HDAC9: variants seen among roughly 807,000 people sequenced by gnomAD.
The protein encoded by HDAC9 is histone deacetylase 9, also known as MEF-2 interacting transcription repressor (MITR) protein.
Under a neutral mutation model 139.4 loss-of-function variants are expected in HDAC9, and 41 were observed. That is an observed-to-expected ratio of 0.29 (90% confidence interval 0.23 to 0.38). The LOEUF (loss-of-function observed/expected upper bound fraction) is 0.38. Ranked by LOEUF, HDAC9 falls within the 10% of genes least tolerant of loss-of-function variation. HDAC9 has a pLI of 1.00. For synonymous variants in HDAC9, 517 were observed against 476.2 expected (o/e 1.09, Z -1.12); for missense variants, 1,147 against 1,297.0 (o/e 0.88, Z 1.78).
chr7:18,358,768 C>A (rs1398029145), intron 1 of HDAC9, among the ~76,000 whole-genome samples: 2 of 152,206 alleles, frequency 1.3e-5, no homozygotes, highest in African/African-American at 2.4e-5. Context: ...TGATTCCTGG[C>A]TTTACCACTT....
chr7:18,629,577 T>C (rs1562651946), intron 7 of HDAC9, 96 bp downstream of exon 7: 1 of 1,199,054 alleles, frequency 8.3e-7, no homozygotes, highest in East Asian at 2.7e-5. Context: ...AAAAGTTATT[T>C]TGAGAAGAAA....
intron 22 of HDAC9, among the ~76,000 whole-genome samples, chr7:18,905,859 TTTCTTTCTTTCCTTTCTTTTCC>T (rs1200406509): frequency 1.3e-5 from 2 of 152,052 alleles, no homozygotes; most frequent in African/African-American, 2.4e-5. Context: ...AGTTTCTTTC[TTTCTTTCTTTCCTTTCTTTTCC>T]TTCTTTCCTT....
chr7:18,853,488 G>T (rs546935321), intron 21 of HDAC9, among the ~76,000 whole-genome samples: 1 of 152,218 alleles, frequency 6.6e-6, no homozygotes, highest in East Asian at 1.9e-4. Context: ...TTAGAATATT[G>T]TTTTGTTTGG....
At chr7:18,630,163 G>T (rs1781900464) in intron 7 of HDAC9, among the ~76,000 whole-genome samples, 1 of 152,016 alleles carries the variant, frequency 6.6e-6, no homozygotes, top group Non-Finnish European at 1.5e-5. Context: ...ACCTAAGGCT[G>T]TAAGAACCAA....
intron 13 of HDAC9, among the ~76,000 whole-genome samples, chr7:18,732,933 GTATGTGTATACACACGTGTA>G (rs1786419643): frequency 1.1e-5 from 1 of 93,520 alleles, no homozygotes; most frequent in African/African-American, 3.5e-5. Context: ...ACGTGTGTAT[GTATGTGTATACACACGTGTA>G]TGTGTGTGTA....
chr7:18,908,142 A>G (rs17140253), intron 22 of HDAC9, among the ~76,000 whole-genome samples: 19,720 of 152,048 alleles, frequency 0.13, 1,381 homozygotes, highest in South Asian at 0.26. Context: ...AAAAACATTA[A>G]TATTCTAGAA....
At chr7:18,551,398 G>A in intron 2 of HDAC9, among the ~76,000 whole-genome samples, 1 of 152,124 alleles carries the variant, frequency 6.6e-6, no homozygotes, top group Non-Finnish European at 1.5e-5. Flanking sequence ...GATTAGATGA[G>A]GTTACCGAGG....
chr7:18,239,855 A>G (rs921907707), intron 2 of HDAC9, among the ~76,000 whole-genome samples: 1 of 152,160 alleles, frequency 6.6e-6, no homozygotes, highest in African/African-American at 2.4e-5. Context: ...GTAAGTAGGC[A>G]AATAATACTT....
intron 1 of HDAC9, among the ~76,000 whole-genome samples, chr7:18,378,314 A>G (rs1785155672): frequency 6.6e-6 from 1 of 152,178 alleles, no homozygotes; most frequent in Non-Finnish European, 1.5e-5. Flanking sequence ...GAGAGTAATT[A>G]ATTTAGTATG....
chr7:18,417,817 A>G (rs1215202979), intron 1 of HDAC9, among the ~76,000 whole-genome samples: 1 of 152,062 alleles, frequency 6.6e-6, no homozygotes, highest in Admixed American at 6.6e-5. Context: ...TCCCATACAT[A>G]TATGTATTAA....
At position 18,634,620 on chromosome 7, in the gene HDAC9, T is replaced by C. The variant is rs1410074267; in HGVS notation, c.797-7T>C. The C allele has an allele frequency of 1.3e-6, 2 of 1,544,118 alleles. No individual in the cohort carries two copies. The highest frequency in any genetic ancestry group is 8.8e-7 in the Non-Finnish European group (1 of 1,133,294). On this transcript the variant is annotated splice_polypyrimidine_tract_variant and splice_region_variant and intron_variant, in intron 7 of 25. Transcript: ENST00000686413. ...TGAACACATTTGTACTTCACAATAT[T>C]TTTCAGAATCCTCAGTCAGTAGCAG...
At chr7:18,660,549 C>T (rs1287002768) in intron 11 of HDAC9, among the ~76,000 whole-genome samples, 1 of 152,060 alleles carries the variant, frequency 6.6e-6, no homozygotes, top group African/African-American at 2.4e-5. Flanking sequence ...TGATGAAAAA[C>T]ATATAGCTTA....
chr7:18,336,692 T>C (rs1781610594), intron 1 of HDAC9, among the ~76,000 whole-genome samples: 1 of 151,664 alleles, frequency 6.6e-6, no homozygotes, highest in African/African-American at 2.4e-5. Context: ...GCTAATTTCA[T>C]GTTTTATAAG....
intron 1 of HDAC9, among the ~76,000 whole-genome samples, chr7:18,354,528 T>C (rs6968411): frequency 0.022 from 3,401 of 152,280 alleles, 61 homozygotes; most frequent in South Asian, 0.061. Flanking sequence ...GCAGGCCTTG[T>C]TATATTAATT....
intron 17 of HDAC9, among the ~76,000 whole-genome samples, chr7:18,798,149 CAA>C (rs1038239238): frequency 3.3e-5 from 5 of 152,050 alleles, no homozygotes; most frequent in African/African-American, 7.2e-5. Context: ...TAGAGTATAA[CAA>C]AGAGTAAAAC....
At chr7:18,676,015 A>G (rs1781481629) in intron 12 of HDAC9, among the ~76,000 whole-genome samples, 2 of 152,026 alleles carry the variant, frequency 1.3e-5, no homozygotes, top group African/African-American at 4.8e-5. Context: ...AGGATGTATT[A>G]AGAATATGTG....
At chr7:18,804,710 G>A (rs749169102) in intron 17 of HDAC9, among the ~76,000 whole-genome samples, 1 of 152,168 alleles carries the variant, frequency 6.6e-6, no homozygotes, top group Non-Finnish European at 1.5e-5. Flanking sequence ...CCTTAAAACA[G>A]CCAAAGAAGA....
At chr7:18,680,001 T>G (rs1383019869) in intron 12 of HDAC9, among the ~76,000 whole-genome samples, 1 of 151,962 alleles carries the variant, frequency 6.6e-6, no homozygotes, top group Admixed American at 6.6e-5. Context: ...CCTGGTTTCT[T>G]TATCCAGGAT....
At position 18,100,915 on chromosome 7, in the gene HDAC9, T is replaced by G. The variant is rs1782812563; in HGVS notation, c.-97+13702T>G. Among the ~76,000 whole-genome samples, 3 of 152,264 alleles carry G rather than the reference T, an allele frequency of 2.0e-5. No individual in the cohort carries two copies. The South Asian group carries it at 6.2e-4, about 32-fold the overall frequency. On this transcript the variant is annotated intron_variant, in intron 1 of 12. Transcript: ENST00000417496. ...GTTACTGGGAAACAGCTTGATCCTTTCAGGTCTTGTTTTTAAGATTAGTTT... is the reference window on the plus strand; with the variant it reads ...GTTACTGGGAAACAGCTTGATCCTTGCAGGTCTTGTTTTTAAGATTAGTTT...
Sources: allele counts gnomAD v4.1 joint callset (sites outside exome capture counted in the v4.1 genomes callset), GRCh38; gene constraint gnomAD v4.1.1; transcripts MANE v1.5; gene names NCBI Gene and HGNC (gene_info 2026-07-23, HGNC 2026-07-21).